Variants in DOCK2 observed in about 807,000 individuals in gnomAD.
DOCK2 encodes dedicator of cytokinesis 2.
A neutral mutation model predicts 248.9 loss-of-function variants in DOCK2; 87 were observed. The observed-to-expected ratio is 0.35, with a 90% CI of 0.29 to 0.42. The LOEUF (loss-of-function observed/expected upper bound fraction) is 0.42. Ranked by LOEUF, DOCK2 falls within the 10% of genes least tolerant of loss-of-function variation. The pLI, the probability that DOCK2 is intolerant of heterozygous loss-of-function variation, is 1.00. For synonymous variants in DOCK2, 805 were observed against 821.6 expected (o/e 0.98, Z 0.35); for missense variants, 1,747 against 2,300.2 (o/e 0.76, Z 4.92).
At chr5:169,882,625 G>C (rs979354875) in intron 27 of DOCK2, 4 of 1,551,816 alleles carry the variant, frequency 2.6e-6, no homozygotes, top group Non-Finnish European at 2.6e-6. Context: ...CTCTTGGTTC[G>C]AGTGCAGAGA....
chr5:169,848,732 G>C (rs778216200), intron 27 of DOCK2, among the ~76,000 whole-genome samples: 1 of 152,218 alleles, frequency 6.6e-6, no homozygotes, highest in Non-Finnish European at 1.5e-5. Flanking sequence ...TCACAGAGGA[G>C]GCTATTGAGT....
chr5:169,875,646 AAC>A, intron 27 of DOCK2: 1 of 189,492 alleles, frequency 5.3e-6, no homozygotes, highest in South Asian at 9.5e-5. Flanking sequence ...CTTCCTGAGC[AAC>A]AGTTCCTTCA....
chr5:169,972,589 TA>T lies in DOCK2; in HGVS notation c.2800-10478del, dbSNP rs1192455044. Among the ~76,000 whole-genome samples the T allele has an allele frequency of 5.7e-3, 647 of 113,300 alleles. 4 individuals are homozygous for T. Among genetic ancestry groups the T allele is most frequent in the Middle Eastern group, 0.021 (5 of 236 alleles). 74.3% of individuals were successfully genotyped at this position (113,300 alleles called of 152,430 possible). On this transcript the variant is annotated intron_variant, in intron 27 of 51. Transcript: ENST00000520908. ...GATAGATAGATAGATAGATAGATGA[TA>T]GATAGATAGATAGATAGATAGATAG...
In DOCK2 at chr5:169,774,331, C is replaced by G. The variant is rs262862; in HGVS notation, c.2554+12706C>G. On this transcript the variant is annotated intron_variant, in intron 25 of 51. Coordinates refer to ENST00000520908, the MANE Select transcript of DOCK2 (RefSeq NM_004946.3). ...TTAACCATGATTTTGTGCCAGGCCC[C>G]AAATAATTAACTAGTTTAATTATCA... is the stretch of plus-strand genomic sequence containing the variant. Among the ~76,000 whole-genome samples the G allele has an allele frequency of 8.0e-3, 1,220 of 152,198 alleles. 7 individuals carry two copies. Among genetic ancestry groups the G allele is most frequent in the Admixed American group, 0.016 (248 of 15,298 alleles).
chr5:169,749,688 C>T (rs922470652), intron 23 of DOCK2, among the ~76,000 whole-genome samples: 8 of 152,190 alleles, frequency 5.3e-5, no homozygotes, highest in Non-Finnish European at 8.8e-5. Context: ...CTCACTACCA[C>T]GGCATTAGCC....
chr5:169,831,216 CA>C (rs5873194), intron 26 of DOCK2, among the ~76,000 whole-genome samples: 107,469 of 150,350 alleles, frequency 0.71, 38,998 homozygotes, highest in African/African-American at 0.87. Context: ...AATAAATTTT[CA>C]AAAAAAAAAG....
intron 44 of DOCK2, among the ~76,000 whole-genome samples, chr5:170,065,572 G>A (rs1757461871): frequency 6.6e-6 from 1 of 152,194 alleles, no homozygotes; most frequent in African/African-American, 2.4e-5. Flanking sequence ...GACGTTTATT[G>A]GACTTACAGT....
intron 30 of DOCK2, 83 bp downstream of exon 30, chr5:169,996,247 C>A: frequency 2.1e-6 from 3 of 1,403,088 alleles, no homozygotes; most frequent in Non-Finnish European, 2.9e-6. Flanking sequence ...TCAGACACAT[C>A]CCAAAGGCCA....
At chr5:170,059,034 T>C (rs1020802517) in intron 44 of DOCK2, among the ~76,000 whole-genome samples, 1 of 152,212 alleles carries the variant, frequency 6.6e-6, no homozygotes, top group Non-Finnish European at 1.5e-5. Context: ...CTTCCCATTT[T>C]ACAGATGTGG....
chr5:169,937,972 AG>A (rs1227697122), intron 27 of DOCK2, among the ~76,000 whole-genome samples: 1 of 152,232 alleles, frequency 6.6e-6, no homozygotes, highest in African/African-American at 2.4e-5. Context: ...CATCACCCCC[AG>A]GTATGGCCAG....
rs1353078877 is a variant in DOCK2 at position 169,717,440 on chromosome 5, G to A, written c.2088G>A (p.Leu696=). The A allele has an allele frequency of 6.2e-7, 1 of 1,613,738 alleles. No individual in the cohort carries two copies. The highest frequency in any genetic ancestry group is 1.3e-5 in the African/African-American group (1 of 74,886). The change falls in exon 21 of 52, where the codon CTG becomes CTA. Residue 696 remains leucine (L), a synonymous_variant. Coordinates refer to ENST00000520908, the MANE Select transcript of DOCK2 (RefSeq NM_004946.3). ...DRKFQHFNTV[L]EAYIQQHFSA... Reference sequence around the variant, plus strand: ...AATTTCAGCATTTCAACACCGTTCTGGAGGCTTACATCCAACAGCATTTCA... The same window carrying A: ...AATTTCAGCATTTCAACACCGTTCTAGAGGCTTACATCCAACAGCATTTCA...
At chr5:170,008,432 C>A in intron 30 of DOCK2, 65 bp from the exon 31 acceptor site, 1 of 1,525,042 alleles carries the variant, frequency 6.6e-7, no homozygotes, top group Non-Finnish European at 9.1e-7. Flanking sequence ...ATTCACACTA[C>A]CCAGCGCTTA....
At chr5:169,984,015 G>T (rs1348727703) in intron 28 of DOCK2, among the ~76,000 whole-genome samples, 1 of 152,148 alleles carries the variant, frequency 6.6e-6, no homozygotes, top group Non-Finnish European at 1.5e-5. Flanking sequence ...CCTAATTTTT[G>T]ATCCTGTATG....
intron 12 of DOCK2, 92 bp from the exon 13 acceptor site, chr5:169,699,922 C>T: frequency 6.4e-7 from 1 of 1,558,304 alleles, no homozygotes; most frequent in African/African-American, 1.3e-5. Flanking sequence ...TCCCAGTGAT[C>T]TCCAGAAAGA....
chr5:169,645,035 A>G (rs971348281), intron 1 of DOCK2, among the ~76,000 whole-genome samples: 5 of 151,990 alleles, frequency 3.3e-5, no homozygotes, highest in African/African-American at 1.2e-4. Flanking sequence ...TCTTTATCCA[A>G]TCTATCATTG....
In DOCK2 at chr5:170,031,970, C is replaced by T. The variant is rs377350250; in HGVS notation, c.3468-2429C>T. On this transcript the variant is annotated intron_variant, in intron 34 of 51. Coordinates refer to ENST00000520908, the MANE Select transcript of DOCK2 (RefSeq NM_004946.3). ...TGAATCAGAATCTATTAACACAATG[C>T]CCCAGTGATCCCCATGCACATGGAA... Among the ~76,000 whole-genome samples, 394 of 152,216 alleles carry T rather than the reference C, an allele frequency of 2.6e-3. 6 individuals carry two copies. The South Asian group carries it at 0.043, about 17-fold the overall frequency.
At chr5:169,824,994 A>T (rs1398983168) in intron 26 of DOCK2, among the ~76,000 whole-genome samples, 1 of 152,242 alleles carries the variant, frequency 6.6e-6, no homozygotes, top group Non-Finnish European at 1.5e-5. Context: ...GAAGACATTT[A>T]TGCAGCCAAA....
rs1755164034 is a variant in DOCK2, at chr5:170,008,763, A to G, written c.3232+17A>G. ...ACAAGCTTGGTGAGTAGGCACACAC[A>G]TCCAGATACTCACATCTGCAGGCAC... On this transcript the variant is annotated intron_variant, in intron 32 of 51. Transcript: ENST00000520908. 1 of 1,613,786 alleles carries G rather than the reference A, an allele frequency of 6.2e-7. No homozygotes were observed. The highest frequency in any genetic ancestry group is 8.5e-7 in the Non-Finnish European group (1 of 1,179,862).
At chr5:169,649,369 A>C (rs1441821707) in intron 1 of DOCK2, among the ~76,000 whole-genome samples, 1 of 152,246 alleles carries the variant, frequency 6.6e-6, no homozygotes, top group East Asian at 1.9e-4. Flanking sequence ...TGTCTTTTGA[A>C]GCAATCTTGA....
Sources: allele counts gnomAD v4.1 joint callset (sites outside exome capture counted in the v4.1 genomes callset), GRCh38; gene constraint gnomAD v4.1.1; transcripts MANE v1.5; gene names NCBI Gene and HGNC (gene_info 2026-07-23, HGNC 2026-07-21).